ZNF729: variants seen among roughly 807,000 people sequenced by gnomAD.
The protein encoded by ZNF729 is zinc finger protein 729.
ZNF729 carries 15 observed loss-of-function variants against 12.2 expected under a neutral mutation model. The ratio of observed to expected loss-of-function variants is 1.23; its 90% CI spans 0.82 to 1.89. The LOEUF is 1.89. Among genes scored for constraint, ZNF729 ranks in the 40% most tolerant of loss-of-function variants. The probability of loss-of-function intolerance (pLI) is 0.00; values close to 1 mark genes in which losing one functional copy is unlikely to be tolerated. For synonymous variants in ZNF729, 492 were observed against 476.3 expected (o/e 1.03, Z -0.43); for missense variants, 1,540 against 1,456.7 (o/e 1.06, Z -0.93).
At chr19:22,305,537 A>ACTCTT (rs1166260879) in intron 3 of ZNF729, among the ~76,000 whole-genome samples, 1 of 152,160 alleles carries the variant, frequency 6.6e-6, no homozygotes, top group African/African-American at 2.4e-5. Context: ...AAATATAATA[A>ACTCTT]TTATAGATTC....
At chr19:22,309,042 T>A (rs576518067) in intron 3 of ZNF729, among the ~76,000 whole-genome samples, 1 of 152,368 alleles carries the variant, frequency 6.6e-6, no homozygotes, top group African/African-American at 2.4e-5. Context: ...TTTCAGGTCT[T>A]AGATTTAAGT....
At chr19:22,312,978 G>A (rs1968470398) in intron 3 of ZNF729, among the ~76,000 whole-genome samples, 1 of 152,154 alleles carries the variant, frequency 6.6e-6, no homozygotes, top group African/African-American at 2.4e-5. Context: ...CTCCCAAAGT[G>A]CTGGGATTAC....
intron 1 of ZNF729, among the ~76,000 whole-genome samples, chr19:22,298,441 A>G (rs1431197208): frequency 6.6e-6 from 1 of 152,192 alleles, no homozygotes; most frequent in East Asian, 1.9e-4. Context: ...TTACTACCAA[A>G]TTGCTAAAGT....
At chr19:22,289,098 A>AG (rs1224750241) in intron 1 of ZNF729, among the ~76,000 whole-genome samples, 1 of 129,946 alleles carries the variant, frequency 7.7e-6, no homozygotes, top group Non-Finnish European at 1.8e-5. Context: ...TTTTGACCTC[A>AG]GTTTTTTAAC....
At chr19:22,307,153 C>G (rs1379036756) in intron 3 of ZNF729, among the ~76,000 whole-genome samples, 2 of 151,466 alleles carry the variant, frequency 1.3e-5, no homozygotes, top group Non-Finnish European at 1.5e-5. Flanking sequence ...TTTTATTTTT[C>G]AACATAAAAG....
intron 1 of ZNF729, among the ~76,000 whole-genome samples, chr19:22,293,523 G>T (rs1353264558): frequency 5.3e-4 from 30 of 56,956 alleles, no homozygotes; most frequent in African/African-American, 1.6e-3. Context: ...AGACAGTTTC[G>T]CTCTTGTTTC....
Position 22,302,344 on chromosome 19 carries a change from C to T in ZNF729, c.31-1414C>T, listed in dbSNP as rs566385469. ...CAACTGGGTACATGGTTGAATTAAA[C>T]GTCATCATATCATTGGTACAATAAA... On this transcript the variant is annotated intron_variant, in intron 1 of 3. Transcript: ENST00000601693. Among the ~76,000 whole-genome samples the T allele has an allele frequency of 1.8e-4, 28 of 152,422 alleles. No individual in the cohort carries two copies. The South Asian group carries it at 4.3e-3, about 24-fold the overall frequency.
rs1422427743 is a variant in ZNF729, at chr19:22,314,587, A to G, written c.1170A>G (p.Lys390=). The G allele has an allele frequency of 6.2e-7, 1 of 1,606,232 alleles. No individual in the cohort carries two copies. ...GTAAAGCTTTTAAGTGGTCTTCAAAACTTACTGTACATAAGGTAGTTCATA... is the reference window on the plus strand; with the variant it reads ...GTAAAGCTTTTAAGTGGTCTTCAAAGCTTACTGTACATAAGGTAGTTCATA... The part of the protein sequence containing the change: ...ECGKAFKWSS[K]LTVHKVVHTG... Residue 390 remains lysine (K), a synonymous_variant, in exon 4 of 4, where the codon AAA becomes AAG. Coordinates refer to ENST00000601693, the MANE Select transcript of ZNF729 (RefSeq NM_001242680.2).
intron 3 of ZNF729, among the ~76,000 whole-genome samples, chr19:22,308,836 G>C (rs1968415976): frequency 6.6e-6 from 1 of 151,990 alleles, no homozygotes; most frequent in African/African-American, 2.4e-5. Context: ...TCACTCTGCT[G>C]TTTCTTTTGC....
chr19:22,303,106 C>T (rs886609951), intron 1 of ZNF729, among the ~76,000 whole-genome samples: 1 of 151,634 alleles, frequency 6.6e-6, no homozygotes, highest in Admixed American at 6.6e-5. Context: ...TGATGTGCAC[C>T]AGTGATCACA....
At position 22,313,910 on chromosome 19, in the gene ZNF729, A is replaced by G. The variant is rs749105225; in HGVS notation, c.493A>G (p.Lys165Glu). 39 of 1,528,300 alleles carry G rather than the reference A, an allele frequency of 2.6e-5. No homozygotes were observed. In the African/African-American group the frequency reaches 4.7e-4, roughly 18 times the overall value. The allele number at this position is 1,528,300 out of a possible 1,614,324, so 94.7% of individuals were successfully genotyped here. The change falls in exon 4 of 4, where the codon AAA (lysine) becomes GAA (glutamate). Residue 165 changes from lysine (K) to glutamate (E), a missense_variant. Coordinates refer to ENST00000601693, the MANE Select transcript of ZNF729 (RefSeq NM_001242680.2). Reference protein sequence around the residue: ...QCNKHMKVFHKYSNRNKVRHT... With the variant: ...QCNKHMKVFHEYSNRNKVRHT... ...TAACAAACATATGAAAGTCTTTCATAAATATTCAAATAGAAATAAGGTTAG... is the reference window on the plus strand; with the variant it reads ...TAACAAACATATGAAAGTCTTTCATGAATATTCAAATAGAAATAAGGTTAG...
chr19:22,299,226 T>TTTTG (rs910362604), intron 1 of ZNF729: 3 of 152,060 alleles, frequency 2.0e-5, no homozygotes, highest in African/African-American at 4.8e-5. Context: ...TAAATTGAGT[T>TTTTG]TTTGTTTGTT....
chr19:22,288,476 C>A (rs1444390623), intron 1 of ZNF729, among the ~76,000 whole-genome samples: 3 of 152,052 alleles, frequency 2.0e-5, no homozygotes, highest in African/African-American at 7.2e-5. Context: ...CTAAAATACC[C>A]CCCATGGCTA....
chr19:22,291,046 G>A (rs573033298), intron 1 of ZNF729, among the ~76,000 whole-genome samples: 56 of 152,130 alleles, frequency 3.7e-4, no homozygotes, highest in Non-Finnish European at 7.1e-4. Flanking sequence ...TAAGAACAAT[G>A]TTGTGAGACT....
intron 1 of ZNF729, among the ~76,000 whole-genome samples, chr19:22,293,494 A>ATTT (rs56180581): frequency 0.011 from 1,076 of 96,042 alleles, 68 homozygotes; most frequent in African/African-American, 0.042. Context: ...CCTTTTGTCT[A>ATTT]TTTTTTTTTT....
rs780644444 is a variant in ZNF729, at chr19:22,313,877, T to G, written c.460T>G (p.Phe154Val). Residue 154 changes from phenylalanine (F) to valine (V), a missense_variant, in exon 4 of 4, where the codon TTT becomes GTT. Physicochemically the swap from Phe to Val is conservative, Grantham distance 50 (BLOSUM62 -1). Transcript: ENST00000601693. ...QCRTATQRKI[F>V]QCNKHMKVFH... The stretch of plus-strand genomic sequence containing the variant: ...CAGGACAGCTACCCAGAGAAAAATA[T>G]TTCAGTGTAACAAACATATGAAAGT... 5 of 1,548,668 alleles carry G rather than the reference T, an allele frequency of 3.2e-6. No individual in the cohort carries two copies. Among genetic ancestry groups the G allele is most frequent in the African/African-American group, 2.7e-5 (2 of 73,180 alleles).
In ZNF729 at chr19:22,316,692, G is replaced by C. The variant is rs1283057740; in HGVS notation, c.3275G>C (p.Arg1092Thr). 2 of 1,610,068 alleles carry C rather than the reference G, an allele frequency of 1.2e-6. No individual in the cohort carries two copies. The highest frequency in any genetic ancestry group is 8.5e-7 in the Non-Finnish European group (1 of 1,179,106). ...DKAFKHFSALRKHKVIHTGKK... is the reference protein window; with the variant it reads ...DKAFKHFSALTKHKVIHTGKK... ...GCTTTTAAGCATTTCTCAGCCCTTA[G>C]AAAACATAAGGTAATTCATACTGGA... The change falls in exon 4 of 4, where the codon AGA (arginine) becomes ACA (threonine). Residue 1092 changes from arginine to threonine, a missense_variant. Physicochemically the swap from Arg to Thr is moderately conservative, Grantham distance 71. Transcript: ENST00000601693.
chr19:22,300,963 TG>T (rs1422848543), intron 1 of ZNF729, among the ~76,000 whole-genome samples: 1 of 152,222 alleles, frequency 6.6e-6, no homozygotes, highest in East Asian at 1.9e-4. Flanking sequence ...ACTTTCTTTC[TG>T]AGAGATGCAA....
chr19:22,303,631 A>G, intron 1 of ZNF729, 127 bp from the exon 2 acceptor site: 1 of 797,416 alleles, frequency 1.3e-6, no homozygotes, highest in Non-Finnish European at 1.8e-6. Context: ...TTTATTGGAT[A>G]TGTTCGGTCA....
Sources: allele counts gnomAD v4.1 joint callset (sites outside exome capture counted in the v4.1 genomes callset), GRCh38; gene constraint gnomAD v4.1.1; transcripts MANE v1.5; gene names NCBI Gene and HGNC (gene_info 2026-07-23, HGNC 2026-07-21).